PCDH11X: variants seen among roughly 807,000 people sequenced by gnomAD.
PCDH11X encodes the protein protocadherin-11 X-linked.
A neutral mutation model predicts 53.3 loss-of-function variants in PCDH11X; 18 were observed. The ratio of observed to expected loss-of-function variants is 0.34; its 90% CI spans 0.23 to 0.50. The LOEUF (loss-of-function observed/expected upper bound fraction) is 0.50, where lower values mean the gene tolerates loss of function less well. Ranked by LOEUF, PCDH11X falls within the 20% of genes least tolerant of loss-of-function variation. The pLI is 0.98. For missense variants in PCDH11X, 570 were observed against 1,032.4 expected (o/e 0.55, Z 6.14); for synonymous variants, 279 against 393.3 (o/e 0.71, Z 3.44).
chrX:92,450,968 T>A (rs1415696257), intron 9 of PCDH11X, among the ~76,000 whole-genome samples: 2 of 111,567 alleles, frequency 1.8e-5, no homozygotes, highest in South Asian at 3.7e-4. Context: ...ACTGTGAGAA[T>A]AATGAGCTTT....
At chrX:92,099,224 T>C (rs186534692) in intron 6 of PCDH11X, among the ~76,000 whole-genome samples, 1 of 109,333 alleles carries the variant, frequency 9.1e-6, no homozygotes, top group Non-Finnish European at 1.9e-5. Flanking sequence ...TATAGCTTTT[T>C]AGAAACTTTT....
intron 7 of PCDH11X, among the ~76,000 whole-genome samples, chrX:92,218,002 C>T (rs1366153698): frequency 9.3e-6 from 1 of 107,611 alleles, no homozygotes; most frequent in East Asian, 3.0e-4. Context: ...TCTTTGAAAC[C>T]AATGAGAACA....
At chrX:92,038,473 A>T (rs780256334) in intron 6 of PCDH11X, among the ~76,000 whole-genome samples, 1 of 111,747 alleles carries the variant, frequency 8.9e-6, no homozygotes, top group Non-Finnish European at 1.9e-5. Context: ...AGAGCCTGCA[A>T]TTGCACAGAA....
intron 1 of PCDH11X, among the ~76,000 whole-genome samples, chrX:91,794,612 T>C (rs1249964350): frequency 9.0e-6 from 1 of 111,324 alleles, no homozygotes; most frequent in African/African-American, 3.3e-5. Flanking sequence ...GATGAAAATA[T>C]ACTTGTTTGC....
chrX:92,123,032 T>G (rs1192263098), intron 6 of PCDH11X, among the ~76,000 whole-genome samples: 1 of 111,720 alleles, frequency 9.0e-6, no homozygotes, highest in East Asian at 2.8e-4. Flanking sequence ...CCATTTACCC[T>G]ATGCTTTAAC....
chrX:91,870,678 A>G (rs1602396712), intron 5 of PCDH11X, among the ~76,000 whole-genome samples: 1 of 111,337 alleles, frequency 9.0e-6, no homozygotes, highest in Admixed American at 9.5e-5. Context: ...CTTTATCAAA[A>G]TTAACAATAC....
chrX:92,357,668 C>G (rs747762939), intron 8 of PCDH11X, among the ~76,000 whole-genome samples: 1 of 109,224 alleles, frequency 9.2e-6, no homozygotes, highest in South Asian at 4.1e-4. Context: ...TTCCCAGACT[C>G]AAGAACTGTG....
chrX:92,466,985 C>A (rs1194358683), intron 9 of PCDH11X, among the ~76,000 whole-genome samples: 1 of 110,100 alleles, frequency 9.1e-6, no homozygotes, highest in African/African-American at 3.3e-5. Context: ...ATTATGAATT[C>A]TAATTAATAC....
intron 7 of PCDH11X, among the ~76,000 whole-genome samples, chrX:92,247,864 G>A (rs1331183904): frequency 9.0e-6 from 1 of 111,527 alleles, no homozygotes; most frequent in African/African-American, 3.3e-5. Context: ...TTTGGAGGGC[G>A]TTATTTCACC....
intron 6 of PCDH11X, among the ~76,000 whole-genome samples, chrX:92,105,783 G>A (rs1038514914): frequency 9.1e-6 from 1 of 110,189 alleles, no homozygotes; most frequent in Non-Finnish European, 1.9e-5. Context: ...TTCTTTTGTG[G>A]TGGAATGTCA....
At chrX:91,883,405 CCAAA>C in intron 6 of PCDH11X, 3 of 747,202 alleles carry the variant, frequency 4.0e-6, no homozygotes, top group Non-Finnish European at 4.7e-6. Flanking sequence ...TTTTAAGACC[CCAAA>C]CAAACAAAAA....
At chrX:92,173,067 T>G (rs1401198524) in intron 6 of PCDH11X, among the ~76,000 whole-genome samples, 1 of 112,106 alleles carries the variant, frequency 8.9e-6, no homozygotes, top group Non-Finnish European at 1.9e-5. Flanking sequence ...ATATATCAAA[T>G]TATATTTCCT....
intron 9 of PCDH11X, among the ~76,000 whole-genome samples, chrX:92,462,932 G>A (rs1344546471): frequency 1.8e-5 from 2 of 111,135 alleles, no homozygotes; most frequent in Non-Finnish European, 3.8e-5. Context: ...AGTGAAGTCA[G>A]ATGGCCTGGA....
chrX:92,566,770 T>C (rs748236059), intron 10 of PCDH11X, among the ~76,000 whole-genome samples: 1 of 112,077 alleles, frequency 8.9e-6, no homozygotes, highest in East Asian at 2.8e-4. Context: ...CATCTCCCTT[T>C]TTGCCAGTTA....
intron 4 of PCDH11X, among the ~76,000 whole-genome samples, chrX:91,829,785 T>G (rs1210682472): frequency 1.8e-5 from 2 of 111,506 alleles, no homozygotes; most frequent in Non-Finnish European, 3.8e-5. Flanking sequence ...TATGTATATA[T>G]ATCACATAGT....
chrX:92,065,311 C>T (rs755591830), intron 6 of PCDH11X, among the ~76,000 whole-genome samples: 9 of 109,523 alleles, frequency 8.2e-5, no homozygotes, highest in East Asian at 5.8e-4. Flanking sequence ...CATGGGAGTG[C>T]GGATATCACT....
intron 7 of PCDH11X, among the ~76,000 whole-genome samples, chrX:92,222,924 A>G (rs1267153334): frequency 1.8e-5 from 2 of 112,295 alleles, no homozygotes; most frequent in African/African-American, 6.5e-5. Context: ...AGTTACTTTC[A>G]TGCCTATCCA....
At chrX:91,942,704 T>C (rs774847110) in intron 6 of PCDH11X, among the ~76,000 whole-genome samples, 2 of 110,598 alleles carry the variant, frequency 1.8e-5, no homozygotes, top group South Asian at 7.6e-4. Flanking sequence ...CCCAATTCCT[T>C]CTATCAGGCC....
At chrX:92,354,187 C>G (rs1363677045) in intron 8 of PCDH11X, among the ~76,000 whole-genome samples, 5 of 105,978 alleles carry the variant, frequency 4.7e-5, no homozygotes, top group African/African-American at 1.7e-4. Flanking sequence ...AAATGGAAAC[C>G]TCTGTAGCTT....
Sources: gnomAD v4.1 joint callset for allele counts (sites outside exome capture counted in the v4.1 genomes callset) on GRCh38, gnomAD v4.1.1 for gene constraint, MANE v1.5 for transcripts, NCBI Gene and HGNC (gene_info 2026-07-23, HGNC 2026-07-21) for gene names.